The following TXNDC5 variants were observed in gnomAD, a reference collection of about 807,000 sequenced individuals.
TXNDC5 encodes thioredoxin domain containing 5, also known as thioredoxin domain-containing protein 5.
TXNDC5 carries 44 observed loss-of-function variants against 52.6 expected under a neutral mutation model. The ratio of observed to expected loss-of-function variants is 0.84; its 90% CI spans 0.66 to 1.08. TXNDC5 has a LOEUF of 1.08. TXNDC5 is among the 50% of genes least tolerant of loss of function. The probability of loss-of-function intolerance (pLI) is 0.00; values close to 1 mark genes in which losing one functional copy is unlikely to be tolerated. For synonymous variants in TXNDC5, 241 were observed against 234.4 expected (o/e 1.03, Z -0.26); for missense variants, 600 against 565.5 (o/e 1.06, Z -0.62).
intron 3 of TXNDC5, 103 bp downstream of exon 3, chr6:7,899,473 C>A: frequency 2.8e-6 from 2 of 711,396 alleles, no homozygotes; most frequent in South Asian, 2.3e-5. Context: ...CAGCCTTAAT[C>A]ATTAACCTCA....
rs142322001 is a variant in TXNDC5 at position 7,888,710 on chromosome 6, C to G, written c.958G>C (p.Asp320His). The G allele has an allele frequency of 1.2e-6, 2 of 1,610,040 alleles. No homozygotes were observed. The highest frequency in any genetic ancestry group is 3.3e-5 in the Admixed American group (2 of 59,766). Residue 320 changes from aspartate (D) to histidine (H), a missense_variant, in exon 7 of 10, where the codon GAC becomes CAC. Transcript: ENST00000379757. ...APVLAAEPEA[D>H]KGTVLALTEN... ...CGACTCCAGCAGGCACCCACCTTGT[C>G]AGCCTCGGGCTCAGCTGCCAGCACC...
intron 2 of TXNDC5, among the ~76,000 whole-genome samples, chr6:7,900,491 C>T (rs1760527009): frequency 1.3e-5 from 2 of 152,230 alleles, no homozygotes; most frequent in African/African-American, 4.8e-5. Flanking sequence ...GCCTGCTCAT[C>T]TAAACACCCC....
intron 2 of TXNDC5, among the ~76,000 whole-genome samples, chr6:7,900,965 G>A (rs1760546095): frequency 6.7e-6 from 1 of 150,244 alleles, no homozygotes; most frequent in East Asian, 2.0e-4. Flanking sequence ...AAAAAAAAAT[G>A]GCTAATTCTC....
intron 4 of TXNDC5, chr6:7,894,737 G>A (rs1006230912): frequency 3.0e-6 from 3 of 985,464 alleles, no homozygotes; most frequent in Non-Finnish European, 3.6e-6. Context: ...CCTGCCAGAT[G>A]CTGGGCTGCC....
At chr6:7,885,349 A>G (rs1759928989) in intron 8 of TXNDC5, among the ~76,000 whole-genome samples, 1 of 152,222 alleles carries the variant, frequency 6.6e-6, no homozygotes, top group Non-Finnish European at 1.5e-5. Context: ...ACTGGGGTTC[A>G]AAGGAATTAA....
chr6:7,910,651 C>A lies in TXNDC5; in HGVS notation c.126G>T (p.Ala42=). Residue 42 remains alanine (A), a synonymous_variant, in exon 1 of 10, where the codon GCG becomes GCT. Coordinates refer to ENST00000379757, the MANE Select transcript of TXNDC5 (RefSeq NM_030810.5). Reference sequence around the variant, plus strand: ...CGGGGGGCCCGTCCGCCGCCGCCGCCGCCGCCTCCTGGGCCCGGGCGCCCC... The same window carrying A: ...CGGGGGGCCCGTCCGCCGCCGCCGCAGCCGCCTCCTGGGCCCGGGCGCCCC... The part of the protein sequence containing the change: ...GRWGARAQEA[A]AAAADGPPAA... 5.4e-6 allele frequency: 7 copies of A among 1,288,520 alleles called. No individual in the cohort carries two copies. Among genetic ancestry groups the A allele is most frequent in the Non-Finnish European group, 6.0e-6 (6 of 996,488 alleles). The allele number at this position is 1,288,520 out of a possible 1,614,324, so 79.8% of individuals were successfully genotyped here.
At chr6:7,891,530 G>T in intron 5 of TXNDC5, 91 bp downstream of exon 5, 3 of 1,021,326 alleles carry the variant, frequency 2.9e-6, no homozygotes, top group Non-Finnish European at 4.4e-6. Context: ...TCAAGTTTGC[G>T]ACTTTGCACA....
At chr6:7,900,339 C>T (rs1194868062) in intron 2 of TXNDC5, 1 of 152,210 alleles carries the variant, frequency 6.6e-6, no homozygotes, top group Non-Finnish European at 1.5e-5. Flanking sequence ...GAAATTAACA[C>T]TCAGTTCCTG....
intron 1 of TXNDC5, among the ~76,000 whole-genome samples, chr6:7,909,403 G>A (rs146772491): frequency 1.8e-4 from 28 of 152,312 alleles, no homozygotes; most frequent in African/African-American, 6.3e-4. Flanking sequence ...CTTCCTCGGG[G>A]CATCCCGGCA....
chr6:7,890,522 C>T (rs1760153623), intron 5 of TXNDC5, among the ~76,000 whole-genome samples: 1 of 151,992 alleles, frequency 6.6e-6, no homozygotes, highest in Non-Finnish European at 1.5e-5. Flanking sequence ...TGGATATAAA[C>T]CTAAAAGAAT....
At chr6:7,887,453 C>T (rs575925074) in intron 7 of TXNDC5, among the ~76,000 whole-genome samples, 1 of 152,274 alleles carries the variant, frequency 6.6e-6, no homozygotes, top group African/African-American at 2.4e-5. Context: ...TGGGTACCAT[C>T]CTCCACCAGA....
intron 4 of TXNDC5, 135 bp downstream of exon 4, chr6:7,894,971 G>A (rs568970314): frequency 7.0e-7 from 1 of 1,433,776 alleles, no homozygotes; most frequent in Non-Finnish European, 9.2e-7. Flanking sequence ...GGTCCCAACA[G>A]CTCCTCTAGA....
At chr6:7,887,534 C>G (rs1581309224) in intron 7 of TXNDC5, among the ~76,000 whole-genome samples, 1 of 152,268 alleles carries the variant, frequency 6.6e-6, no homozygotes, top group South Asian at 2.1e-4. Context: ...ACTCCTTATG[C>G]TGGCTTTCTC....
intron 3 of TXNDC5, among the ~76,000 whole-genome samples, chr6:7,895,645 C>A (rs533590331): frequency 6.6e-6 from 1 of 152,170 alleles, no homozygotes; most frequent in Non-Finnish European, 1.5e-5. Flanking sequence ...GAGTGCCCAG[C>A]GCAGTGGCTC....
chr6:7,894,950 C>G (rs1339728576), intron 4 of TXNDC5, 156 bp downstream of exon 4: 1 of 983,770 alleles, frequency 1.0e-6, no homozygotes, highest in African/African-American at 1.7e-5. Flanking sequence ...AGAGGAGGTG[C>G]ACTGAACAAC....
rs772527122 is a variant in TXNDC5 at position 7,883,314 on chromosome 6, A to G, written c.1177-48T>C. ...TTTGCAAACCAGCGGTCCAGATCACATGCAAATTGCTTCCTAAATAAAACC... is the reference window on the plus strand; with the variant it reads ...TTTGCAAACCAGCGGTCCAGATCACGTGCAAATTGCTTCCTAAATAAAACC... On this transcript the variant is annotated intron_variant, in intron 9 of 9. Coordinates refer to ENST00000379757, the MANE Select transcript of TXNDC5 (RefSeq NM_030810.5). 8 of 1,611,404 alleles carry G rather than the reference A, an allele frequency of 5.0e-6. No individual in the cohort carries two copies. The East Asian group carries it at 1.3e-4, about 27-fold the overall frequency.
chr6:7,904,120 C>CA (rs1349586610), intron 2 of TXNDC5, among the ~76,000 whole-genome samples: 28 of 152,154 alleles, frequency 1.8e-4, no homozygotes, highest in Admixed American at 3.9e-4. Context: ...TTCTTATAAC[C>CA]AAAAAAATTC....
At chr6:7,909,114 T>C (rs1760826888) in intron 1 of TXNDC5, among the ~76,000 whole-genome samples, 1 of 152,208 alleles carries the variant, frequency 6.6e-6, no homozygotes, top group Non-Finnish European at 1.5e-5. Context: ...GCCCTAAAAG[T>C]TGATTTAACT....
At chr6:7,887,759 TCA>T (rs1327286022) in intron 7 of TXNDC5, among the ~76,000 whole-genome samples, 1 of 152,008 alleles carries the variant, frequency 6.6e-6, no homozygotes. Context: ...AGCTCCTCTC[TCA>T]CTCTCAGGGA....
Sources: gnomAD v4.1 joint callset for allele counts (sites outside exome capture counted in the v4.1 genomes callset) on GRCh38, gnomAD v4.1.1 for gene constraint, MANE v1.5 for transcripts, NCBI Gene and HGNC (gene_info 2026-07-23, HGNC 2026-07-21) for gene names.